IQGAP2: variants seen among roughly 807,000 people sequenced by gnomAD.
The protein encoded by IQGAP2 is ras GTPase-activating-like protein IQGAP2.
In IQGAP2, 173 loss-of-function variants were observed where a neutral mutation model predicts 201.3. That is an observed-to-expected ratio of 0.86 (90% CI 0.76 to 0.98). The LOEUF is 0.98. IQGAP2 is among the 50% of genes least tolerant of loss of function. The pLI, the probability that IQGAP2 is intolerant of heterozygous loss-of-function variation, is 0.00. For synonymous variants in IQGAP2, 675 were observed against 673.9 expected (o/e 1.00, Z -0.03); for missense variants, 1,687 against 1,864.8 (o/e 0.90, Z 1.76).
In IQGAP2 at chr5:76,688,947, A is replaced by G. The variant is rs190174782; in HGVS notation, c.3906-4408A>G. ...AAACCCACATGATTTGAAATCCTCC[A>G]GGGCCCACACTCTTGATCATAAAGT... On this transcript the variant is annotated intron_variant, in intron 30 of 35. Coordinates refer to ENST00000274364, the MANE Select transcript of IQGAP2 (RefSeq NM_006633.5). 5.9e-5 allele frequency among the ~76,000 whole-genome samples: 9 copies of G among 152,208 alleles called. No homozygotes were observed. The East Asian group carries it at 1.4e-3, about 23-fold the overall frequency.
chr5:76,679,433 G>GT (rs1412785392), intron 28 of IQGAP2, among the ~76,000 whole-genome samples: 1 of 152,202 alleles, frequency 6.6e-6, no homozygotes, highest in Non-Finnish European at 1.5e-5. Flanking sequence ...AGACTGTCCT[G>GT]TTTACTGTCT....
intron 1 of IQGAP2, among the ~76,000 whole-genome samples, chr5:76,445,665 A>G (rs1028063639): frequency 1.3e-5 from 2 of 152,032 alleles, no homozygotes; most frequent in African/African-American, 4.8e-5. Context: ...GGGTTTCACC[A>G]TGTTGGCCAG....
chr5:76,496,724 C>CTTTCT, intron 2 of IQGAP2, among the ~76,000 whole-genome samples: 1 of 77,926 alleles, frequency 1.3e-5, no homozygotes, highest in Non-Finnish European at 2.8e-5. Flanking sequence ...TTCTTTCTTT[C>CTTTCT]TTTTCTTTCT....
chr5:76,636,950 A>G lies in IQGAP2; in HGVS notation c.1781-84A>G, dbSNP rs555238960. On this transcript the variant is annotated intron_variant, in intron 15 of 35. Transcript: ENST00000274364. ...TGAAGGTTTGGTGAAAAACATATTCAATTATTTTACATATTAAAGAAACTA... is the reference window on the plus strand; with the variant it reads ...TGAAGGTTTGGTGAAAAACATATTCGATTATTTTACATATTAAAGAAACTA... The G allele has an allele frequency of 4.2e-5, 48 of 1,132,582 alleles. No homozygotes were observed. In the East Asian group the frequency reaches 1.2e-3, roughly 27 times the overall value. The allele number at this position is 1,132,582 out of a possible 1,614,324, so 70.2% of individuals were successfully genotyped here.
chr5:76,503,506 T>C (rs1250163480), intron 2 of IQGAP2, among the ~76,000 whole-genome samples: 1 of 151,984 alleles, frequency 6.6e-6, no homozygotes, highest in Admixed American at 6.6e-5. Flanking sequence ...TTTATTTTTA[T>C]TGTGGTATAG....
chr5:76,597,931 A>G (rs1580556820), intron 10 of IQGAP2, among the ~76,000 whole-genome samples: 2 of 152,256 alleles, frequency 1.3e-5, no homozygotes, highest in East Asian at 3.9e-4. Flanking sequence ...TTTTTTTACA[A>G]TATATAATGT....
chr5:76,589,630 A>T lies in IQGAP2; in HGVS notation c.542A>T (p.Asn181Ile). 6.3e-7 allele frequency: 1 copy of T among 1,590,802 alleles called. No individual in the cohort carries two copies. Among genetic ancestry groups the T allele is most frequent in the Non-Finnish European group, 8.6e-7 (1 of 1,164,196 alleles). ...KVDFTEEEIS[N>I]MRKELEKYGI... is the part of the protein sequence containing the mutation. ...TCTTTGTTAGAGGAGGAAATCAGTA[A>T]TATGAGAAAAGAACTTGAGAAATAT... The change falls in exon 7 of 36, where the codon AAT (asparagine) becomes ATT (isoleucine). Residue 181 changes from asparagine to isoleucine, a missense_variant. Transcript: ENST00000274364.
chr5:76,644,784 A>T (rs890027898), intron 17 of IQGAP2, among the ~76,000 whole-genome samples: 2 of 152,236 alleles, frequency 1.3e-5, no homozygotes, highest in African/African-American at 4.8e-5. Context: ...ACAGACTAAA[A>T]AAAGAAAAAC....
At chr5:76,539,464 G>A (rs1366642842) in intron 2 of IQGAP2, among the ~76,000 whole-genome samples, 1 of 152,198 alleles carries the variant, frequency 6.6e-6, no homozygotes, top group East Asian at 1.9e-4. Flanking sequence ...CTGGAAGGGA[G>A]CGGGAAACTG....
chr5:76,649,096 A>C (rs1365516915), intron 17 of IQGAP2, among the ~76,000 whole-genome samples: 1 of 152,248 alleles, frequency 6.6e-6, no homozygotes, highest in Non-Finnish European at 1.5e-5. Context: ...TCATAGTCAA[A>C]CTTCTGAAAA....
intron 1 of IQGAP2, among the ~76,000 whole-genome samples, chr5:76,459,890 C>T (rs189620765): frequency 4.6e-5 from 7 of 152,216 alleles, no homozygotes; most frequent in Non-Finnish European, 7.4e-5. Context: ...CTGCCTGCCT[C>T]GACCTCCCAA....
At chr5:76,516,947 A>T (rs1330305945) in intron 2 of IQGAP2, among the ~76,000 whole-genome samples, 2 of 152,188 alleles carry the variant, frequency 1.3e-5, no homozygotes, top group Admixed American at 6.5e-5. Flanking sequence ...TACTTGTTTT[A>T]AAGTAATATA....
intron 2 of IQGAP2, among the ~76,000 whole-genome samples, chr5:76,531,955 T>C (rs1759320110): frequency 6.6e-6 from 1 of 152,234 alleles, no homozygotes. Flanking sequence ...GATGGCTGTC[T>C]GCTCACGTAA....
intron 13 of IQGAP2, among the ~76,000 whole-genome samples, chr5:76,618,974 C>G (rs1749313069): frequency 6.6e-6 from 1 of 152,092 alleles, no homozygotes; most frequent in African/African-American, 2.4e-5. Context: ...TTAATAGATT[C>G]AGATGTTTGA....
chr5:76,600,529 A>G (rs1203268086), intron 10 of IQGAP2, among the ~76,000 whole-genome samples: 1 of 152,194 alleles, frequency 6.6e-6, no homozygotes, highest in Non-Finnish European at 1.5e-5. Context: ...AGCAACCAGT[A>G]TAGCTAGGAG....
At chr5:76,697,877 C>A in intron 32 of IQGAP2, 110 bp from the exon 33 acceptor site, 1 of 739,898 alleles carries the variant, frequency 1.4e-6, no homozygotes, top group Non-Finnish European at 2.2e-6. Flanking sequence ...AGCTACAAGT[C>A]AAGTTACAAA....
chr5:76,582,571 C>T (rs1393104158), intron 5 of IQGAP2, among the ~76,000 whole-genome samples: 1 of 152,180 alleles, frequency 6.6e-6, no homozygotes, highest in African/African-American at 2.4e-5. Flanking sequence ...ATGAGCTACA[C>T]ATAATGTGAT....
At chr5:76,450,828 T>C (rs1753694190) in intron 1 of IQGAP2, among the ~76,000 whole-genome samples, 2 of 152,200 alleles carry the variant, frequency 1.3e-5, no homozygotes, top group African/African-American at 4.8e-5. Flanking sequence ...TCTAATCACA[T>C]TGAAATATAT....
intron 32 of IQGAP2, among the ~76,000 whole-genome samples, chr5:76,696,137 C>G (rs962000517): frequency 2.6e-5 from 4 of 152,118 alleles, no homozygotes; most frequent in Non-Finnish European, 5.9e-5. Context: ...ACAACACTTT[C>G]ATGTCATTAG....
Sources: allele counts gnomAD v4.1 joint callset (sites outside exome capture counted in the v4.1 genomes callset), GRCh38; gene constraint gnomAD v4.1.1; transcripts MANE v1.5; gene names NCBI Gene and HGNC (gene_info 2026-07-23, HGNC 2026-07-21).